Variants in COX7B2 observed in about 807,000 individuals in gnomAD.
COX7B2 encodes the protein cytochrome c oxidase subunit 7B2, also known as cytochrome c oxidase subunit 7B2, mitochondrial.
For missense variants in COX7B2, 109 were observed against 95.9 expected (o/e 1.14, Z -0.57); for synonymous variants, 37 against 32.1 (o/e 1.15, Z -0.51).
intron 1 of COX7B2, among the ~76,000 whole-genome samples, chr4:46,848,518 T>C (rs1466279940): frequency 6.6e-6 from 1 of 152,108 alleles, no homozygotes; most frequent in African/African-American, 2.4e-5. Context: ...GTGATTAGTA[T>C]TCAGCTTTAA....
chr4:46,738,335 A>G (rs1714490445), intron 2 of COX7B2, among the ~76,000 whole-genome samples: 1 of 152,066 alleles, frequency 6.6e-6, no homozygotes, highest in Admixed American at 6.6e-5. Context: ...CTATTCCCAT[A>G]TCTATAAAGC....
At chr4:46,805,551 G>A (rs1208077155) in intron 2 of COX7B2, among the ~76,000 whole-genome samples, 1 of 152,118 alleles carries the variant, frequency 6.6e-6, no homozygotes, top group African/African-American at 2.4e-5. Flanking sequence ...CTAAAGATAA[G>A]ACTACTGAAA....
intron 1 of COX7B2, among the ~76,000 whole-genome samples, chr4:46,852,650 T>A (rs1418918298): frequency 6.6e-6 from 1 of 152,236 alleles, no homozygotes; most frequent in African/African-American, 2.4e-5. Context: ...TAAAATTTGT[T>A]TGTAACCCCA....
At chr4:46,751,550 T>C (rs1372667070) in intron 2 of COX7B2, among the ~76,000 whole-genome samples, 1 of 152,094 alleles carries the variant, frequency 6.6e-6, no homozygotes, top group East Asian at 1.9e-4. Context: ...AACAGATGCA[T>C]TTTTTGCCCT....
At chr4:46,856,169 G>C (rs569241967) in intron 1 of COX7B2, among the ~76,000 whole-genome samples, 1 of 152,188 alleles carries the variant, frequency 6.6e-6, no homozygotes, top group African/African-American at 2.4e-5. Flanking sequence ...ACTTGAACCT[G>C]GGAAGTGGAG....
chr4:46,875,555 C>T (rs1718267230), intron 1 of COX7B2, among the ~76,000 whole-genome samples: 1 of 152,082 alleles, frequency 6.6e-6, no homozygotes, highest in Non-Finnish European at 1.5e-5. Context: ...ATACCACTTT[C>T]ATCATGTCAC....
chr4:46,737,386 T>C (rs1406466217), intron 2 of COX7B2, among the ~76,000 whole-genome samples: 1 of 152,168 alleles, frequency 6.6e-6, no homozygotes, highest in Admixed American at 6.6e-5. Flanking sequence ...TTCAAGCCTG[T>C]GGTTTGCCTT....
At chr4:46,814,478 A>G (rs1719445482) in intron 2 of COX7B2, among the ~76,000 whole-genome samples, 1 of 152,236 alleles carries the variant, frequency 6.6e-6, no homozygotes, top group Non-Finnish European at 1.5e-5. Flanking sequence ...AGTCAACCTG[A>G]GTGCAAACTA....
At position 46,878,476 on chromosome 4, in the gene COX7B2, A is replaced by G. The variant is rs142844071; in HGVS notation, c.-105+30684T>C. Among the ~76,000 whole-genome samples the G allele has an allele frequency of 1.7e-3, 247 of 144,630 alleles. 3 individuals are homozygous for G. The highest frequency in any genetic ancestry group is 5.9e-3 in the African/African-American group (237 of 40,196). The allele number at this position is 144,630 out of a possible 152,430, so 94.9% of individuals were successfully genotyped here. ...TCATTTTACTACATATACATAAGTT[A>G]GCACTATTATATATATATATATATA... is the stretch of plus-strand genomic sequence containing the variant. On this transcript the variant is annotated intron_variant, in intron 1 of 2. Coordinates refer to ENST00000355591, the MANE Select transcript of COX7B2 (RefSeq NM_130902.3).
At chr4:46,865,832 C>T (rs976663312) in intron 1 of COX7B2, among the ~76,000 whole-genome samples, 1 of 152,156 alleles carries the variant, frequency 6.6e-6, no homozygotes, top group Non-Finnish European at 1.5e-5. Context: ...CCTGGCACAT[C>T]TGGAAAATCT....
At chr4:46,817,350 A>T (rs375907079) in intron 2 of COX7B2, among the ~76,000 whole-genome samples, 3 of 152,334 alleles carry the variant, frequency 2.0e-5, no homozygotes, top group East Asian at 3.9e-4. Context: ...CTATTGATGA[A>T]GACATTGAGG....
At chr4:46,780,256 C>A (rs1024677807) in intron 2 of COX7B2, among the ~76,000 whole-genome samples, 36 of 152,198 alleles carry the variant, frequency 2.4e-4, no homozygotes, top group African/African-American at 7.0e-4. Flanking sequence ...GTGGCTCACA[C>A]CTGTAATCCC....
In COX7B2 at chr4:46,800,521, T is replaced by C. The variant is rs114062475; in HGVS notation, c.-50+44439A>G. Among the ~76,000 whole-genome samples the C allele has an allele frequency of 7.7e-3, 1,170 of 152,256 alleles. 11 individuals are homozygous for C. Among genetic ancestry groups the C allele is most frequent in the African/African-American group, 0.027 (1,105 of 41,560 alleles). Reference sequence around the variant, plus strand: ...AATGCAGAAAGGGCACCCTATTCGATACATGGTGCTGGGATTACTGGCTAG... The same window carrying C: ...AATGCAGAAAGGGCACCCTATTCGACACATGGTGCTGGGATTACTGGCTAG... On this transcript the variant is annotated intron_variant, in intron 2 of 2. Coordinates refer to ENST00000355591, the MANE Select transcript of COX7B2 (RefSeq NM_130902.3).
chr4:46,753,818 A>T (rs1715568132), intron 2 of COX7B2, among the ~76,000 whole-genome samples: 1 of 152,198 alleles, frequency 6.6e-6, no homozygotes, highest in South Asian at 2.1e-4. Flanking sequence ...TACCCATCTG[A>T]CAAAGGGCTA....
At chr4:46,897,569 T>C (rs566662948) in intron 1 of COX7B2, among the ~76,000 whole-genome samples, 1 of 152,326 alleles carries the variant, frequency 6.6e-6, no homozygotes, top group Admixed American at 6.5e-5. Flanking sequence ...AGTCTGTTAT[T>C]GTTCTCTCTC....
chr4:46,880,804 G>T (rs1718670066), intron 1 of COX7B2, among the ~76,000 whole-genome samples: 1 of 143,904 alleles, frequency 6.9e-6, no homozygotes, highest in Admixed American at 7.1e-5. Context: ...GAGATCACAT[G>T]GACACAGGAA....
chr4:46,802,866 T>C (rs536016003), intron 2 of COX7B2, among the ~76,000 whole-genome samples: 42 of 152,242 alleles, frequency 2.8e-4, no homozygotes, highest in African/African-American at 9.9e-4. Context: ...AAAAACATAG[T>C]GCTATAAAAC....
chr4:46,819,750 A>G (rs1049294700), intron 2 of COX7B2, among the ~76,000 whole-genome samples: 1 of 152,194 alleles, frequency 6.6e-6, no homozygotes, highest in African/African-American at 2.4e-5. Flanking sequence ...CAGCTGTTTT[A>G]TATATTAGGG....
chr4:46,795,405 G>C (rs1157832531), intron 2 of COX7B2, among the ~76,000 whole-genome samples: 1 of 67,250 alleles, frequency 1.5e-5, no homozygotes, highest in African/African-American at 7.4e-5. Flanking sequence ...TCCAGTTTCA[G>C]CTTTCTACAT....
Sources: gnomAD v4.1 joint callset for allele counts (sites outside exome capture counted in the v4.1 genomes callset) on GRCh38, gnomAD v4.1.1 for gene constraint, MANE v1.5 for transcripts, NCBI Gene and HGNC (gene_info 2026-07-23, HGNC 2026-07-21) for gene names.